SWT1: variants seen among roughly 807,000 people sequenced by gnomAD.
SWT1 encodes the protein SWT1 RNA endoribonuclease homolog.
A neutral mutation model predicts 107.3 loss-of-function variants in SWT1; 33 were observed. The observed-to-expected ratio is 0.31, with a 90% CI of 0.23 to 0.41. SWT1 has a LOEUF of 0.41. Among genes scored for constraint, SWT1 ranks in the 10% least tolerant of loss-of-function variants. The pLI, the probability that SWT1 is intolerant of heterozygous loss-of-function variation, is 1.00. For missense variants in SWT1, 898 were observed against 1,028.9 expected (o/e 0.87, Z 1.74); for synonymous variants, 345 against 348.3 (o/e 0.99, Z 0.11).
intron 16 of SWT1, among the ~76,000 whole-genome samples, chr1:185,251,713 CATT>C (rs1227267685): frequency 6.6e-6 from 1 of 151,454 alleles, no homozygotes; most frequent in Admixed American, 6.6e-5. Flanking sequence ...CATTTGGAGT[CATT>C]ATTTTCTTTA....
chr1:185,161,643 G>A lies in SWT1; in HGVS notation c.84+718G>A, dbSNP rs531178256. Reference sequence around the variant, plus strand: ...TTGAGCCACGGAGACCAAGGCTGAAGTGAGCTATGTTCATACCACTGCACT... The same window carrying A: ...TTGAGCCACGGAGACCAAGGCTGAAATGAGCTATGTTCATACCACTGCACT... On this transcript the variant is annotated intron_variant, in intron 2 of 18. Coordinates refer to ENST00000367500, the MANE Select transcript of SWT1 (RefSeq NM_017673.7). Among the ~76,000 whole-genome samples, 7 of 152,274 alleles carry A rather than the reference G, an allele frequency of 4.6e-5. No individual in the cohort carries two copies. In the East Asian group the frequency reaches 7.7e-4, roughly 17 times the overall value.
chr1:185,189,943 G>C lies in SWT1; in HGVS notation c.1430-606G>C, dbSNP rs1656809127. ...AGCTCACTGCAACCTCTGCCTCCCA[G>C]GTTCAACTGATTCTCCTGCCTCAGA... is the stretch of plus-strand genomic sequence containing the variant. On this transcript the variant is annotated intron_variant, in intron 9 of 18. Transcript: ENST00000367500. Among the ~76,000 whole-genome samples, 3 of 151,412 alleles carry C rather than the reference G, an allele frequency of 2.0e-5. No homozygotes were observed. In the South Asian group the frequency reaches 6.2e-4, roughly 31 times the overall value.
rs557617969 is a variant in SWT1 at position 185,189,313 on chromosome 1, G to C, written c.1430-1236G>C. Among the ~76,000 whole-genome samples, 4 of 152,194 alleles carry C rather than the reference G, an allele frequency of 2.6e-5. No homozygotes were observed. In the East Asian group the frequency reaches 5.8e-4, roughly 22 times the overall value. ...TTAATTTTATAAAAACTGAATTTTT[G>C]CTACATGTTTTGAGGCGTAGAGAAT... is the stretch of plus-strand genomic sequence containing the variant. On this transcript the variant is annotated intron_variant, in intron 9 of 18. Coordinates refer to ENST00000367500, the MANE Select transcript of SWT1 (RefSeq NM_017673.7).
chr1:185,185,033 A>T (rs1367521686), intron 9 of SWT1, 102 bp downstream of exon 9: 37 of 821,292 alleles, frequency 4.5e-5, no homozygotes, highest in Non-Finnish European at 6.3e-5. Flanking sequence ...ATTTAAACCC[A>T]TTGGAATGTG....
intron 16 of SWT1, among the ~76,000 whole-genome samples, chr1:185,252,405 A>C (rs989035089): frequency 6.6e-6 from 1 of 152,190 alleles, no homozygotes; most frequent in African/African-American, 2.4e-5. Context: ...CCAACAGTGT[A>C]AAAGTGTTCC....
intron 15 of SWT1, among the ~76,000 whole-genome samples, chr1:185,228,200 T>TATATATATATATATACAC (rs1235462995): frequency 1.4e-4 from 20 of 145,002 alleles, no homozygotes; most frequent in African/African-American, 5.3e-4. Context: ...CATATATATA[T>TATATATATATATATACAC]ACTCAGTATG....
intron 16 of SWT1, among the ~76,000 whole-genome samples, chr1:185,269,531 ATT>A (rs1663697289): frequency 6.6e-6 from 1 of 152,122 alleles, no homozygotes; most frequent in Non-Finnish European, 1.5e-5. Flanking sequence ...CCGAAAAACT[ATT>A]TATGAAAGCT....
intron 18 of SWT1, among the ~76,000 whole-genome samples, chr1:185,288,557 G>T (rs1272662583): frequency 6.6e-6 from 1 of 152,076 alleles, no homozygotes; most frequent in East Asian, 1.9e-4. Flanking sequence ...TCTGTCATGT[G>T]GGAGGGGCAG....
intron 13 of SWT1, among the ~76,000 whole-genome samples, chr1:185,210,757 G>C (rs1658727533): frequency 6.6e-6 from 1 of 152,118 alleles, no homozygotes; most frequent in African/African-American, 2.4e-5. Flanking sequence ...AAGTCAAATT[G>C]TCTCTGTTGC....
intron 17 of SWT1, among the ~76,000 whole-genome samples, chr1:185,275,049 A>G (rs1476985720): frequency 6.6e-6 from 1 of 152,238 alleles, no homozygotes; most frequent in African/African-American, 2.4e-5. Flanking sequence ...TTGCTTTTAC[A>G]ACTAGAGATA....
intron 13 of SWT1, among the ~76,000 whole-genome samples, chr1:185,208,220 G>A (rs1658488650): frequency 6.6e-6 from 1 of 151,920 alleles, no homozygotes; most frequent in Non-Finnish European, 1.5e-5. Flanking sequence ...TAGAAGCTAG[G>A]AAAAAAAGGA....
intron 10 of SWT1, among the ~76,000 whole-genome samples, chr1:185,201,281 C>G (rs1282844067): frequency 6.6e-6 from 1 of 152,050 alleles, no homozygotes; most frequent in African/African-American, 2.4e-5. Context: ...CGCTGGTGTT[C>G]AGGCGCCACT....
chr1:185,174,817 C>G lies in SWT1; in HGVS notation c.670C>G (p.Pro224Ala). The G allele has an allele frequency of 6.2e-7, 1 of 1,613,632 alleles. No homozygotes were observed. Among genetic ancestry groups the G allele is most frequent in the Non-Finnish European group, 8.5e-7 (1 of 1,179,900 alleles). ...DYNSNKIIKEPLGSRRQKISF... is the reference protein window; with the variant it reads ...DYNSNKIIKEALGSRRQKISF... Reference sequence around the variant, plus strand: ...TAACTCCAACAAGATAATTAAGGAACCCTTGGGATCTAGAAGACAGAAGAT... The same window carrying G: ...TAACTCCAACAAGATAATTAAGGAAGCCTTGGGATCTAGAAGACAGAAGAT... The change falls in exon 5 of 19, where the codon CCC becomes GCC. Residue 224 changes from proline (P) to alanine (A), a missense_variant. By Grantham distance (27) the Pro-to-Ala change is conservative (BLOSUM62 -1). This residue lies in a region of SWT1 where 382 missense variants were observed against 362.4 expected (regional missense o/e 1.05). Coordinates refer to ENST00000367500, the MANE Select transcript of SWT1 (RefSeq NM_017673.7).
At chr1:185,213,392 AT>A (rs1185836641) in intron 13 of SWT1, among the ~76,000 whole-genome samples, 3 of 152,144 alleles carry the variant, frequency 2.0e-5, no homozygotes, top group African/African-American at 7.2e-5. Flanking sequence ...CTTTATTATT[AT>A]TTTTTATATT....
intron 16 of SWT1, among the ~76,000 whole-genome samples, chr1:185,270,746 T>C (rs1663797895): frequency 6.6e-6 from 1 of 152,188 alleles, no homozygotes; most frequent in Admixed American, 6.5e-5. Flanking sequence ...ATTTCTGTGT[T>C]TGTCATTTGT....
chr1:185,216,420 T>G (rs1659219160), intron 14 of SWT1, among the ~76,000 whole-genome samples: 1 of 152,088 alleles, frequency 6.6e-6, no homozygotes. Context: ...TAAAATGTGG[T>G]GAACAGATGG....
chr1:185,171,111 C>T (rs933744072), intron 4 of SWT1, among the ~76,000 whole-genome samples: 10 of 152,010 alleles, frequency 6.6e-5, no homozygotes, highest in Admixed American at 3.3e-4. Context: ...CTAAAGTCAC[C>T]GTCTCCTTCT....
intron 5 of SWT1, among the ~76,000 whole-genome samples, chr1:185,179,174 C>T (rs1655818898): frequency 6.6e-6 from 1 of 152,038 alleles, no homozygotes; most frequent in African/African-American, 2.4e-5. Flanking sequence ...GAGGCTGAGG[C>T]AGAAGAATCG....
chr1:185,180,046 T>A (rs1655889095), intron 5 of SWT1, among the ~76,000 whole-genome samples: 1 of 151,860 alleles, frequency 6.6e-6, no homozygotes, highest in African/African-American at 2.4e-5. Flanking sequence ...ATTAGCCGGG[T>A]GTGTTGGTGT....
Sources: gnomAD v4.1 joint callset for allele counts (sites outside exome capture counted in the v4.1 genomes callset) on GRCh38, gnomAD v4.1.1 for gene constraint, gnomAD v4.1.1 regional missense constraint, MANE v1.5 for transcripts, NCBI Gene and HGNC (gene_info 2026-07-23, HGNC 2026-07-21) for gene names.